Variants in IRAK2 observed in about 807,000 individuals in gnomAD.
IRAK2 encodes the protein interleukin 1 receptor associated kinase 2.
IRAK2 carries 57 observed loss-of-function variants against 72.0 expected under a neutral mutation model. That is an observed-to-expected ratio of 0.79 (90% CI 0.64 to 0.99). The LOEUF (loss-of-function observed/expected upper bound fraction) is 0.99, where lower values mean the gene tolerates loss of function less well. IRAK2 is among the 50% of genes least tolerant of loss of function. The pLI is 0.00. For synonymous variants in IRAK2, 293 were observed against 312.7 expected (o/e 0.94, Z 0.67); for missense variants, 790 against 794.4 (o/e 0.99, Z 0.07).
At chr3:10,184,829 A>C (rs1193611351) in intron 2 of IRAK2, among the ~76,000 whole-genome samples, 6 of 144,142 alleles carry the variant, frequency 4.2e-5, no homozygotes, top group South Asian at 4.4e-4. Context: ...TCCCAGGTTC[A>C]CGCCATTCTC....
intron 10 of IRAK2, among the ~76,000 whole-genome samples, chr3:10,233,228 T>G (rs1284240773): frequency 6.6e-6 from 1 of 152,042 alleles, no homozygotes; most frequent in Non-Finnish European, 1.5e-5. Context: ...TTTTTGTATT[T>G]TTTAGTAGCG....
At chr3:10,226,506 C>G in intron 10 of IRAK2, 73 bp downstream of exon 10, 2 of 1,217,262 alleles carry the variant, frequency 1.6e-6, no homozygotes, top group Non-Finnish European at 2.4e-6. Flanking sequence ...GCAACGACCT[C>G]AATTCTAGCT....
intron 8 of IRAK2, among the ~76,000 whole-genome samples, chr3:10,220,311 T>A (rs566723601): frequency 6.6e-6 from 1 of 152,284 alleles, no homozygotes; most frequent in African/African-American, 2.4e-5. Context: ...TGGAGACGGT[T>A]AGGATAGGGA....
chr3:10,183,110 T>G (rs1295731634), intron 2 of IRAK2, among the ~76,000 whole-genome samples: 2 of 152,270 alleles, frequency 1.3e-5, no homozygotes, highest in East Asian at 3.9e-4. Flanking sequence ...AATGATAAAT[T>G]TGAAGAAAAC....
At chr3:10,190,887 A>T (rs942638030) in intron 2 of IRAK2, among the ~76,000 whole-genome samples, 10 of 152,222 alleles carry the variant, frequency 6.6e-5, no homozygotes, top group African/African-American at 2.4e-4. Context: ...CAGCTAAGTC[A>T]TCTAGAACAT....
intron 4 of IRAK2, among the ~76,000 whole-genome samples, 193 bp from the exon 5 acceptor site, chr3:10,213,014 C>T (rs890809912): frequency 3.9e-5 from 6 of 151,906 alleles, no homozygotes; most frequent in East Asian, 3.9e-4. Context: ...GTGATCCGCC[C>T]GCCTCGGCCT....
intron 2 of IRAK2, among the ~76,000 whole-genome samples, chr3:10,197,393 A>AAAAAAG (rs1314502362): frequency 1.3e-5 from 2 of 151,730 alleles, no homozygotes; most frequent in Non-Finnish European, 1.5e-5. Flanking sequence ...TCAAAAAAAA[A>AAAAAAG]AAAAAGAAAA....
intron 6 of IRAK2, among the ~76,000 whole-genome samples, chr3:10,215,751 T>TACACACGTACACACACACACACACACAC (rs1697595466): frequency 6.7e-6 from 1 of 150,026 alleles, no homozygotes; most frequent in African/African-American, 2.5e-5. Context: ...CTCACATGTG[T>TACACACGTACACACACACACACACACAC]ACACACACAC....
chr3:10,179,323 G>T, intron 2 of IRAK2, among the ~76,000 whole-genome samples: 2 of 150,578 alleles, frequency 1.3e-5, no homozygotes, highest in African/African-American at 2.4e-5. Flanking sequence ...CCAGGCTGGA[G>T]AGCAGTGGCA....
rs892621595 is a variant in IRAK2 at position 10,243,063 on chromosome 3, C to G, written c.*835C>G. The G allele has an allele frequency of 6.6e-5, 10 of 152,256 alleles. No homozygotes were observed. Among genetic ancestry groups the G allele is most frequent in the African/African-American group, 2.2e-4 (9 of 41,422 alleles). The allele number at this position is 152,256 out of a possible 1,614,324, so 9.4% of individuals were successfully genotyped here. ...GTTTGTTTGTTTTTTGAGACAGAGT[C>G]TCACTTTGTCACCCAGGCTGGAGTG... On this transcript the variant is annotated 3_prime_UTR_variant, in exon 13 of 13. Coordinates refer to ENST00000256458, the MANE Select transcript of IRAK2 (RefSeq NM_001570.4).
intron 3 of IRAK2, among the ~76,000 whole-genome samples, chr3:10,201,692 A>C (rs546756907): frequency 1.4e-4 from 21 of 152,246 alleles, no homozygotes; most frequent in Middle Eastern, 3.4e-3. Flanking sequence ...TGACCTCCCT[A>C]GGGGAGCTGC....
At chr3:10,215,416 T>TAAAAA (rs1559449326) in intron 6 of IRAK2, among the ~76,000 whole-genome samples, 25 of 134,108 alleles carry the variant, frequency 1.9e-4, no homozygotes, top group Non-Finnish European at 3.2e-4. Flanking sequence ...AAAAAAAAAT[T>TAAAAA]AATTAATTAA....
intron 6 of IRAK2, among the ~76,000 whole-genome samples, chr3:10,215,201 A>G (rs759506257): frequency 1.2e-4 from 18 of 152,078 alleles, no homozygotes; most frequent in Non-Finnish European, 1.9e-4. Flanking sequence ...AGCCTGGCCA[A>G]CATGGCGAAA....
chr3:10,177,843 T>G lies in IRAK2; in HGVS notation c.100T>G (p.Tyr34Asp). The G allele has an allele frequency of 1.9e-6, 3 of 1,612,592 alleles. No individual in the cohort carries two copies. Residue 34 changes from tyrosine (Y) to aspartate (D), a missense_variant, in exon 2 of 13, where the codon TAC becomes GAC. Coordinates refer to ENST00000256458, the MANE Select transcript of IRAK2 (RefSeq NM_001570.4). Reference protein sequence around the residue: ...SEWDWMEFASYVITDLTQLRK... With the variant: ...SEWDWMEFASDVITDLTQLRK... The stretch of plus-strand genomic sequence containing the variant: ...GTTCTCTCCGTCCCTTCCAGCCTCC[T>G]ACGTGATCACAGACCTGACCCAGCT...
chr3:10,191,091 G>A (rs1037401657), intron 2 of IRAK2, among the ~76,000 whole-genome samples: 5 of 152,062 alleles, frequency 3.3e-5, no homozygotes, highest in African/African-American at 9.7e-5. Context: ...TCAGGAGATC[G>A]AGACCATCCT....
At chr3:10,239,250 G>A (rs1698015200) in intron 12 of IRAK2, among the ~76,000 whole-genome samples, 1 of 152,160 alleles carries the variant, frequency 6.6e-6, no homozygotes, top group African/African-American at 2.4e-5. Flanking sequence ...ACCCAGTCCT[G>A]TCCATTGGCC....
chr3:10,242,351 G>A lies in IRAK2; in HGVS notation c.*123G>A. On this transcript the variant is annotated 3_prime_UTR_variant, in exon 13 of 13. Transcript: ENST00000256458. ...CACACAACAAAACATCTGCTGTCCTGGGTGGGAGGGAAACTTCATTTCACT... is the reference window on the plus strand; with the variant it reads ...CACACAACAAAACATCTGCTGTCCTAGGTGGGAGGGAAACTTCATTTCACT... 1 of 542,636 alleles carries A rather than the reference G, an allele frequency of 1.8e-6. No homozygotes were observed. Among genetic ancestry groups the A allele is most frequent in the Non-Finnish European group, 3.3e-6 (1 of 306,056 alleles). The allele number at this position is 542,636 out of a possible 1,614,324, so 33.6% of individuals were successfully genotyped here.
intron 7 of IRAK2, among the ~76,000 whole-genome samples, chr3:10,219,463 C>A (rs1205801593): frequency 6.6e-6 from 1 of 152,028 alleles, no homozygotes; most frequent in Non-Finnish European, 1.5e-5. Context: ...GGACTACAGG[C>A]AGCCGCCACC....
rs34166203 is a variant in IRAK2, at chr3:10,225,701, G to GT, written c.1210-655dup. Among the ~76,000 whole-genome samples, 771 of 141,142 alleles carry GT rather than the reference G, an allele frequency of 5.5e-3. 24 individuals are homozygous for GT. The East Asian group carries it at 0.072, about 13-fold the overall frequency. The allele number at this position is 141,142 out of a possible 152,430, so 92.6% of individuals were successfully genotyped here. ...TTGCCATAGCTGAAGGTTTTTTGGT[G>GT]TTTTTTTTTTTTTTTGAGACGGAGT... On this transcript the variant is annotated intron_variant, in intron 9 of 12. Transcript: ENST00000256458.
Sources: allele counts gnomAD v4.1 joint callset (sites outside exome capture counted in the v4.1 genomes callset), GRCh38; gene constraint gnomAD v4.1.1; transcripts MANE v1.5; gene names NCBI Gene and HGNC (gene_info 2026-07-23, HGNC 2026-07-21).